The following RFX3 variants were observed in gnomAD, a reference collection of about 807,000 sequenced individuals.
RFX3 encodes the protein regulatory factor X3.
A neutral mutation model predicts 98.6 loss-of-function variants in RFX3; 14 were observed. The observed-to-expected ratio is 0.14, with a 90% CI of 0.09 to 0.22. The LOEUF (loss-of-function observed/expected upper bound fraction) is 0.22, where lower values mean the gene tolerates loss of function less well. Among genes scored for constraint, RFX3 ranks in the 10% least tolerant of loss-of-function variants. RFX3 has a pLI of 1.00. For synonymous variants in RFX3, 383 were observed against 328.4 expected (o/e 1.17, Z -1.80); for missense variants, 639 against 926.9 (o/e 0.69, Z 4.03).
chr9:3,448,654 G>T (rs1232743372), intron 1 of RFX3, among the ~76,000 whole-genome samples: 5 of 152,144 alleles, frequency 3.3e-5, no homozygotes, highest in African/African-American at 1.2e-4. Flanking sequence ...AAGTAGCTAG[G>T]ACTACAGATG....
chr9:3,520,358 G>A (rs1290837684), intron 1 of RFX3, among the ~76,000 whole-genome samples: 2 of 152,206 alleles, frequency 1.3e-5, no homozygotes, highest in African/African-American at 4.8e-5. Flanking sequence ...CCATTATCAA[G>A]ATTAAAAAGT....
chr9:3,264,181 A>G (rs1471149633), intron 12 of RFX3, among the ~76,000 whole-genome samples: 3 of 152,298 alleles, frequency 2.0e-5, no homozygotes, highest in South Asian at 2.1e-4. Flanking sequence ...GAAGCAGTTT[A>G]TTTTGAAAGA....
At chr9:3,493,694 A>AC (rs1255580571) in intron 1 of RFX3, among the ~76,000 whole-genome samples, 5 of 123,838 alleles carry the variant, frequency 4.0e-5, no homozygotes, top group Admixed American at 2.4e-4. Context: ...AAAAAAAAAA[A>AC]AAAAAAATAT....
chr9:3,429,025 CTTT>C (rs5896011), intron 1 of RFX3, among the ~76,000 whole-genome samples: 3 of 139,072 alleles, frequency 2.2e-5, no homozygotes, highest in Non-Finnish European at 3.1e-5. Flanking sequence ...TTTAGTTACT[CTTT>C]TTTTTTTTTT....
chr9:3,236,135 T>G (rs1169225870), intron 15 of RFX3, among the ~76,000 whole-genome samples: 1 of 152,206 alleles, frequency 6.6e-6, no homozygotes, highest in East Asian at 1.9e-4. Flanking sequence ...TAGGAATCAA[T>G]TAATCTTTTA....
Position 3,263,096 on chromosome 9 carries a change from T to A in RFX3, c.1456-12A>T. 6.2e-7 allele frequency: 1 copy of A among 1,610,712 alleles called. No individual in the cohort carries two copies. The highest frequency in any genetic ancestry group is 8.5e-7 in the Non-Finnish European group (1 of 1,178,360). On this transcript the variant is annotated splice_polypyrimidine_tract_variant and intron_variant, in intron 12 of 16. Coordinates refer to ENST00000617270, the MANE Select transcript of RFX3 (RefSeq NM_001282116.2). ...CTTACAGCGGCAACCTGTAACGCAATCCAATTAAGTTGGGATTCTGTTTCC... is the reference window on the plus strand; with the variant it reads ...CTTACAGCGGCAACCTGTAACGCAAACCAATTAAGTTGGGATTCTGTTTCC...
intron 4 of RFX3, among the ~76,000 whole-genome samples, chr9:3,308,609 G>T (rs933866578): frequency 6.6e-6 from 1 of 152,128 alleles, no homozygotes; most frequent in Admixed American, 6.5e-5. Context: ...AACATGAAAA[G>T]ATCTCTTTGC....
At chr9:3,394,946 G>A in intron 2 of RFX3, 1 of 440,366 alleles carries the variant, frequency 2.3e-6, no homozygotes, top group Non-Finnish European at 3.0e-6. Context: ...TAAATAGCTT[G>A]AGTCAGATCT....
Position 3,248,064 on chromosome 9 carries a change from T to C in RFX3, c.1936A>G (p.Thr646Ala), listed in dbSNP as rs2130959549. The change falls in exon 15 of 17, where the codon ACA (threonine) becomes GCA (alanine). Residue 646 changes from threonine (T) to alanine (A), a missense_variant. Around this residue, in one of 9 missense-constraint regions of RFX3, gnomAD observed 138 missense variants for 308.9 expected, o/e 0.45. Coordinates refer to ENST00000617270, the MANE Select transcript of RFX3 (RefSeq NM_001282116.2). ...YLVEHRVAQA[T>A]GETPIAVMGE... ...ATGACTGCTATAGGAGTCTCTCCTG[T>C]TGCCTGAGCAACACGATGTTCTACT... 1 of 1,614,058 alleles carries C rather than the reference T, an allele frequency of 6.2e-7. No homozygotes were observed. Among genetic ancestry groups the C allele is most frequent in the Non-Finnish European group, 8.5e-7 (1 of 1,179,934 alleles).
At chr9:3,315,467 G>C (rs930277285) in intron 4 of RFX3, among the ~76,000 whole-genome samples, 12 of 152,220 alleles carry the variant, frequency 7.9e-5, no homozygotes, top group African/African-American at 2.9e-4. Context: ...AAAAGAACTA[G>C]AGAAGCAAGA....
intron 9 of RFX3, among the ~76,000 whole-genome samples, chr9:3,271,418 T>C (rs949339738): frequency 1.4e-4 from 21 of 152,192 alleles, no homozygotes; most frequent in Admixed American, 3.3e-4. Flanking sequence ...ATTTTTGCTT[T>C]CATTCCTCTC....
At chr9:3,342,952 AG>A (rs1834056709) in intron 3 of RFX3, among the ~76,000 whole-genome samples, 1 of 152,228 alleles carries the variant, frequency 6.6e-6, no homozygotes, top group Admixed American at 6.5e-5. Context: ...TTGAGCAAAA[AG>A]GTACTCTATT....
At chr9:3,420,585 A>G (rs1843361356) in intron 1 of RFX3, among the ~76,000 whole-genome samples, 1 of 152,332 alleles carries the variant, frequency 6.6e-6, no homozygotes, top group Admixed American at 6.5e-5. Flanking sequence ...AGTAAGCAGT[A>G]ACTTGACTTC....
chr9:3,484,584 C>T (rs1392995867), intron 1 of RFX3, among the ~76,000 whole-genome samples: 1 of 152,166 alleles, frequency 6.6e-6, no homozygotes, highest in African/African-American at 2.4e-5. Context: ...GGAGTTTCTC[C>T]AGAAGTTAGT....
chr9:3,463,614 T>C (rs1411752745), intron 1 of RFX3, among the ~76,000 whole-genome samples: 2 of 152,104 alleles, frequency 1.3e-5, no homozygotes, highest in African/African-American at 4.8e-5. Flanking sequence ...ATAAAGGACT[T>C]CTATCCAGAA....
chr9:3,256,814 ACAT>A (rs1439562591), intron 14 of RFX3, among the ~76,000 whole-genome samples, 174 bp downstream of exon 14: 1 of 152,206 alleles, frequency 6.6e-6, no homozygotes, highest in African/African-American at 2.4e-5. Flanking sequence ...GTTTCCTGGT[ACAT>A]TTCCATGGTG....
chr9:3,447,760 T>C (rs1221658257), intron 1 of RFX3, among the ~76,000 whole-genome samples: 3 of 152,166 alleles, frequency 2.0e-5, no homozygotes, highest in Non-Finnish European at 2.9e-5. Context: ...GTAAGAAGCA[T>C]TCATAAGAGA....
At chr9:3,360,625 T>A (rs1334877083) in intron 2 of RFX3, among the ~76,000 whole-genome samples, 1 of 152,178 alleles carries the variant, frequency 6.6e-6, no homozygotes, top group African/African-American at 2.4e-5. Flanking sequence ...TATTTAAATA[T>A]ATGGAAGCAC....
chr9:3,295,181 C>T (rs187053250), intron 5 of RFX3, among the ~76,000 whole-genome samples: 1 of 151,302 alleles, frequency 6.6e-6, no homozygotes, highest in African/African-American at 2.4e-5. Context: ...TAGTATTTTG[C>T]CTACAACAGG....
Sources: allele counts gnomAD v4.1 joint callset (sites outside exome capture counted in the v4.1 genomes callset), GRCh38; gene constraint gnomAD v4.1.1; regional missense constraint gnomAD v4.1.1; transcripts MANE v1.5; gene names NCBI Gene and HGNC (gene_info 2026-07-23, HGNC 2026-07-21).